The following KCNMB4 variants were observed in gnomAD, a reference collection of about 807,000 sequenced individuals.
KCNMB4 encodes potassium calcium-activated channel subfamily M regulatory beta subunit 4, also known as calcium-activated potassium channel subunit beta-4.
A neutral mutation model predicts 20.7 loss-of-function variants in KCNMB4; 3 were observed. That is an observed-to-expected ratio of 0.14 (90% CI 0.07 to 0.37). KCNMB4 has a LOEUF of 0.37. KCNMB4 is among the 10% of genes least tolerant of loss of function. The pLI, the probability that KCNMB4 is intolerant of heterozygous loss-of-function variation, is 1.00. For synonymous variants in KCNMB4, 110 were observed against 113.4 expected, an observed-to-expected ratio of 0.97 and a Z score of 0.19; for missense variants, 168 against 265.9, an observed-to-expected ratio of 0.63 and a Z score of 2.56.
chr12:70,431,462 C>T lies in KCNMB4; in HGVS notation c.*809C>T, dbSNP rs2852. On this transcript the variant is annotated 3_prime_UTR_variant, in exon 3 of 3. Coordinates refer to ENST00000258111, the MANE Select transcript of KCNMB4 (RefSeq NM_014505.6). ...AAAAGTTTGTGTGCAATACAATATA[C>T]ATGATGTGAAGGACACTCTTCAGCT... 6.6e-6 allele frequency: 1 copy of T among 151,276 alleles called. No homozygotes were observed. Among genetic ancestry groups the T allele is most frequent in the Non-Finnish European group, 1.5e-5 (1 of 67,906 alleles). 9.4% of individuals were successfully genotyped at this position (151,276 alleles called of 1,614,324 possible).
At chr12:70,396,835 G>C (rs1374985428) in intron 1 of KCNMB4, among the ~76,000 whole-genome samples, 2 of 152,126 alleles carry the variant, frequency 1.3e-5, no homozygotes, top group African/African-American at 4.8e-5. Context: ...GAACAATCTA[G>C]AAATAAAAGG....
chr12:70,382,767 C>T (rs1883813658), intron 1 of KCNMB4, among the ~76,000 whole-genome samples: 1 of 152,164 alleles, frequency 6.6e-6, no homozygotes, highest in Admixed American at 6.5e-5. Context: ...AAATACTAGG[C>T]ATGAACATGC....
chr12:70,393,814 G>A lies in KCNMB4; in HGVS notation c.337-6395G>A, dbSNP rs558741897. Among the ~76,000 whole-genome samples, 13 of 136,100 alleles carry A rather than the reference G, an allele frequency of 9.6e-5. No homozygotes were observed. The South Asian group carries it at 1.2e-3, about 12-fold the overall frequency. The allele number at this position is 136,100 out of a possible 152,430, so 89.3% of individuals were successfully genotyped here. A position where few individuals can be genotyped will look rare whatever the true frequency, so the allele number is the denominator to read the frequency against. ...TCAGATAATTTGGGCATTTTCCAAC[G>A]CCATCTCCTATGCCCCTTGTCCTCC... On this transcript the variant is annotated intron_variant, in intron 1 of 2. Transcript: ENST00000258111.
chr12:70,366,962 C>T lies in KCNMB4; in HGVS notation c.228C>T (p.Cys76=). ...GCACCTTCACCTGTGGCGCCGACTG[C>T]AGGGGCACCTCGCAGTACCCCTGCG... ...FECTFTCGAD[C]RGTSQYPCVQ... is the part of the protein sequence containing the mutation. Residue 76 remains cysteine (C), a synonymous_variant, in exon 1 of 3, where the codon TGC becomes TGT. Coordinates refer to ENST00000258111, the MANE Select transcript of KCNMB4 (RefSeq NM_014505.6). 6.2e-7 allele frequency: 1 copy of T among 1,609,898 alleles called. No individual in the cohort carries two copies. Among genetic ancestry groups the T allele is most frequent in the South Asian group, 1.1e-5 (1 of 90,482 alleles).
intron 1 of KCNMB4, among the ~76,000 whole-genome samples, chr12:70,377,525 A>C (rs1222202087): frequency 6.6e-6 from 1 of 152,154 alleles, no homozygotes. Context: ...CTCGATGTTG[A>C]TGGTTGCTGA....
intron 2 of KCNMB4, among the ~76,000 whole-genome samples, chr12:70,418,417 A>T (rs1218943272): frequency 6.6e-6 from 1 of 152,200 alleles, no homozygotes; most frequent in Non-Finnish European, 1.5e-5. Flanking sequence ...GCAGCTTTTT[A>T]TATGTGTGCA....
chr12:70,384,509 G>T (rs756655079), intron 1 of KCNMB4, among the ~76,000 whole-genome samples: 1 of 152,114 alleles, frequency 6.6e-6, no homozygotes, highest in Non-Finnish European at 1.5e-5. Flanking sequence ...CACAGTCCCC[G>T]TTGGGGAAAC....
intron 1 of KCNMB4, among the ~76,000 whole-genome samples, chr12:70,392,284 C>T (rs1868306191): frequency 6.6e-6 from 1 of 152,194 alleles, no homozygotes; most frequent in Non-Finnish European, 1.5e-5. Context: ...GATACCATCT[C>T]ACACCAGTTA....
intron 1 of KCNMB4, among the ~76,000 whole-genome samples, chr12:70,367,587 TG>T (rs575126470): frequency 3.7e-4 from 56 of 152,104 alleles, no homozygotes; most frequent in Non-Finnish European, 6.5e-4. Context: ...ATTTTCAACT[TG>T]GGGTTCAAAG....
At chr12:70,423,342 A>G (rs1314295152) in intron 2 of KCNMB4, among the ~76,000 whole-genome samples, 3 of 152,342 alleles carry the variant, frequency 2.0e-5, no homozygotes, top group Middle Eastern at 3.4e-3. Flanking sequence ...ACTTTGAGAA[A>G]ACAGCTAAGG....
Position 70,430,455 on chromosome 12 carries a change from C to A in KCNMB4, c.465-30C>A, listed in dbSNP as rs911637195. The A allele has an allele frequency of 4.3e-6, 7 of 1,610,370 alleles. No individual in the cohort carries two copies. The East Asian group carries it at 1.6e-4, about 36-fold the overall frequency. On this transcript the variant is annotated intron_variant, in intron 2 of 2. Transcript: ENST00000258111. ...TTCAGTGCCAAGGCATTTGACTGCCCTTTCTTTCTTATTCTCCATTGTCTT... is the reference window on the plus strand; with the variant it reads ...TTCAGTGCCAAGGCATTTGACTGCCATTTCTTTCTTATTCTCCATTGTCTT...
At chr12:70,399,752 G>GT (rs1181522637) in intron 1 of KCNMB4, among the ~76,000 whole-genome samples, 5 of 152,144 alleles carry the variant, frequency 3.3e-5, no homozygotes, top group African/African-American at 1.2e-4. Flanking sequence ...GAAAACTTGG[G>GT]TTTCAGCAGT....
intron 2 of KCNMB4, 125 bp downstream of exon 2, chr12:70,400,461 A>G: frequency 1.0e-6 from 1 of 975,412 alleles, no homozygotes; most frequent in Non-Finnish European, 1.5e-6. Flanking sequence ...TTTGCGTGTA[A>G]TTAGGGAAAC....
At chr12:70,406,645 T>C (rs1388760193) in intron 2 of KCNMB4, among the ~76,000 whole-genome samples, 1 of 152,114 alleles carries the variant, frequency 6.6e-6, no homozygotes, top group African/African-American at 2.4e-5. Context: ...AGCTTGAGCT[T>C]GCAGTTGGAG....
intron 2 of KCNMB4, among the ~76,000 whole-genome samples, chr12:70,417,796 A>G (rs920214748): frequency 5.9e-5 from 9 of 152,054 alleles, no homozygotes; most frequent in African/African-American, 1.7e-4. Flanking sequence ...TTCCACTAAC[A>G]TTTACTGAGC....
At chr12:70,378,276 C>G (rs1883723178) in intron 1 of KCNMB4, among the ~76,000 whole-genome samples, 1 of 152,048 alleles carries the variant, frequency 6.6e-6, no homozygotes. Context: ...ACTTCTAATT[C>G]TAGTTCTTTC....
intron 2 of KCNMB4, among the ~76,000 whole-genome samples, chr12:70,419,218 T>C (rs1419803441): frequency 2.6e-5 from 4 of 152,216 alleles, no homozygotes; most frequent in African/African-American, 4.8e-5. Context: ...CATTTCCATT[T>C]TCTGAGGATG....
intron 2 of KCNMB4, among the ~76,000 whole-genome samples, chr12:70,418,783 C>A (rs1868977063): frequency 6.6e-6 from 1 of 152,156 alleles, no homozygotes; most frequent in African/African-American, 2.4e-5. Flanking sequence ...TTACCCACCT[C>A]ATTTCCTTGA....
intron 2 of KCNMB4, among the ~76,000 whole-genome samples, chr12:70,413,264 G>T (rs895527387): frequency 6.6e-6 from 1 of 152,204 alleles, no homozygotes; most frequent in Non-Finnish European, 1.5e-5. Context: ...TTTCATGCTT[G>T]CAAATTCATC....
Sources: gnomAD v4.1 joint callset for allele counts (sites outside exome capture counted in the v4.1 genomes callset) on GRCh38, gnomAD v4.1.1 for gene constraint, MANE v1.5 for transcripts, NCBI Gene and HGNC (gene_info 2026-07-23, HGNC 2026-07-21) for gene names.